MAP4: variants seen among roughly 807,000 people sequenced by gnomAD.
MAP4 encodes the protein microtubule-associated protein 4.
In MAP4, 76 loss-of-function variants were observed where a neutral mutation model predicts 170.2. That is an observed-to-expected ratio of 0.45 (90% CI 0.37 to 0.54). The LOEUF (loss-of-function observed/expected upper bound fraction) is 0.54, where lower values mean the gene tolerates loss of function less well. Among genes scored for constraint, MAP4 ranks in the 20% least tolerant of loss-of-function variants. The probability of loss-of-function intolerance (pLI) is 0.00; values close to 1 mark genes in which losing one functional copy is unlikely to be tolerated. For synonymous variants in MAP4, 909 were observed against 994.5 expected (o/e 0.91, Z 1.62); for missense variants, 2,506 against 2,748.0 (o/e 0.91, Z 1.97).
chr3:47,971,813 T>G (rs1374271398), intron 3 of MAP4, among the ~76,000 whole-genome samples: 1 of 152,208 alleles, frequency 6.6e-6, no homozygotes. Flanking sequence ...CCTGTGTCTT[T>G]GCCTAGAACA....
rs1224833883 is a variant in MAP4, at chr3:47,912,409, T to C, written c.2012A>G (p.Tyr671Cys). The C allele has an allele frequency of 1.1e-5, 16 of 1,472,688 alleles. No homozygotes were observed. The highest frequency in any genetic ancestry group is 1.4e-5 in the African/African-American group (1 of 70,248). 91.2% of individuals were successfully genotyped at this position (1,472,688 alleles called of 1,614,324 possible). The stretch of plus-strand genomic sequence containing the variant: ...GGCTTGTGTGGGAGGGGTACCGCAA[T>C]ACATGAAGTTGGCTAAAATTCCAAA... Reference protein sequence around the residue: ...LSSETSANFMYCGTPPTQAKQ... With the variant: ...LSSETSANFMCCGTPPTQAKQ... Residue 671 changes from tyrosine (Y) to cysteine (C), a missense_variant, in exon 9 of 21, where the codon TAT becomes TGT. This residue lies in a region of MAP4 where 2,008 missense variants were observed against 2,206.0 expected (regional missense o/e 0.91). Coordinates refer to ENST00000683076, the MANE Select transcript of MAP4 (RefSeq NM_001385682.1).
chr3:48,007,676 C>CTT (rs35776561), intron 1 of MAP4, among the ~76,000 whole-genome samples: 141 of 140,378 alleles, frequency 1.0e-3, no homozygotes, highest in African/African-American at 3.6e-3. Context: ...AACTACTCTC[C>CTT]TTTTTTTTTT....
Position 47,875,732 on chromosome 3 carries a change from C to T in MAP4, c.5710G>A (p.Ala1904Thr), listed in dbSNP as rs574174386. Residue 1904 changes from alanine to threonine, a missense_variant, in exon 12 of 21, where the codon GCC becomes ACC. Transcript: ENST00000683076. Reference sequence around the variant, plus strand: ...GGTAAGATGGAAGGCCTGGCAGAGGCGACGGCAGGGCGTTTGGGTGGGGCA... The same window carrying T: ...GGTAAGATGGAAGGCCTGGCAGAGGTGACGGCAGGGCGTTTGGGTGGGGCA... ...PAAPPKRPAV[A>T]SARPSILPSK... 1.1e-5 allele frequency: 17 copies of T among 1,613,606 alleles called. No homozygotes were observed. Among genetic ancestry groups the T allele is most frequent in the Admixed American group, 5.0e-5 (3 of 59,918 alleles).
chr3:47,996,305 G>A (rs946357712), intron 2 of MAP4, among the ~76,000 whole-genome samples: 5 of 152,058 alleles, frequency 3.3e-5, no homozygotes, highest in Non-Finnish European at 5.9e-5. Flanking sequence ...ATGAGAAGAC[G>A]CTACTACTGT....
At chr3:48,056,693 C>T (rs1325569167) in intron 1 of MAP4, among the ~76,000 whole-genome samples, 1,095 of 95,180 alleles carry the variant, frequency 0.012, no homozygotes, top group East Asian at 0.015. Flanking sequence ...CCCGGCCAGC[C>T]GCCCCGTCTG....
chr3:47,921,049 T>C (rs2100042577), intron 5 of MAP4, among the ~76,000 whole-genome samples: 2 of 151,958 alleles, frequency 1.3e-5, no homozygotes, highest in East Asian at 1.9e-4. Flanking sequence ...GCTCAGGAGA[T>C]TGAGGTGGGA....
At chr3:47,955,481 CTA>C (rs1444908913) in intron 3 of MAP4, among the ~76,000 whole-genome samples, 7 of 139,498 alleles carry the variant, frequency 5.0e-5, no homozygotes, top group Admixed American at 1.5e-4. Context: ...CACACACACA[CTA>C]GTCAACTATA....
At chr3:47,973,560 G>T (rs1482149517) in intron 3 of MAP4, 7 of 984,324 alleles carry the variant, frequency 7.1e-6, no homozygotes, top group Non-Finnish European at 1.2e-6. Context: ...GTTCAAAAAG[G>T]AAACATATTT....
At chr3:47,970,978 G>A (rs1418755264) in intron 3 of MAP4, among the ~76,000 whole-genome samples, 1 of 152,210 alleles carries the variant, frequency 6.6e-6, no homozygotes, top group Non-Finnish European at 1.5e-5. Context: ...TGTAGTCCAT[G>A]AGCTGGTTTC....
intron 3 of MAP4, among the ~76,000 whole-genome samples, chr3:47,976,203 T>C (rs1454644257): frequency 6.6e-6 from 1 of 152,210 alleles, no homozygotes; most frequent in Non-Finnish European, 1.5e-5. Flanking sequence ...CCTACTCTCA[T>C]AATGCCACTG....
intron 1 of MAP4, among the ~76,000 whole-genome samples, chr3:48,014,144 A>G (rs1446685481): frequency 1.3e-5 from 2 of 152,252 alleles, no homozygotes; most frequent in Non-Finnish European, 1.5e-5. Flanking sequence ...TACTTTGGAT[A>G]GTTCACAAAC....
chr3:48,082,797 C>CAAAAAAAAAAAAAAAAAAAAA (rs1294638726), intron 1 of MAP4, among the ~76,000 whole-genome samples: 1 of 49,012 alleles, frequency 2.0e-5, no homozygotes, highest in Non-Finnish European at 4.3e-5. Context: ...GACTTTGTCT[C>CAAAAAAAAAAAAAAAAAAAAA]AAAAAAAAAA....
At chr3:48,040,632 C>T (rs1014944646) in intron 1 of MAP4, among the ~76,000 whole-genome samples, 3 of 152,068 alleles carry the variant, frequency 2.0e-5, no homozygotes, top group East Asian at 1.9e-4. Context: ...GCCGCAACCT[C>T]GGCTCACTGC....
chr3:47,917,994 C>CTTATTTAT (rs769556140), intron 6 of MAP4, among the ~76,000 whole-genome samples: 7 of 152,064 alleles, frequency 4.6e-5, no homozygotes, highest in South Asian at 4.2e-4. Flanking sequence ...CCACGCTGAG[C>CTTATTTAT]TTATTTATTT....
intron 2 of MAP4, among the ~76,000 whole-genome samples, chr3:47,985,148 T>C (rs2154311164): frequency 6.8e-6 from 1 of 147,946 alleles, no homozygotes; most frequent in Admixed American, 6.7e-5. Flanking sequence ...GGCATGGTGG[T>C]GCATGCCTGT....
intron 10 of MAP4, among the ~76,000 whole-genome samples, chr3:47,885,526 T>G (rs1413551600): frequency 6.6e-6 from 1 of 152,206 alleles, no homozygotes; most frequent in African/African-American, 2.4e-5. Context: ...GACTATTTAG[T>G]TGTATTTACA....
At chr3:47,954,022 A>AAC in intron 3 of MAP4, among the ~76,000 whole-genome samples, 1 of 141,914 alleles carries the variant, frequency 7.0e-6, no homozygotes, top group African/African-American at 2.7e-5. Flanking sequence ...TCAAAAAAAC[A>AAC]AAAAAAAAAA....
intron 17 of MAP4, among the ~76,000 whole-genome samples, chr3:47,858,588 T>G (rs1392562707): frequency 1.5e-5 from 2 of 129,230 alleles, no homozygotes; most frequent in Admixed American, 7.8e-5. Flanking sequence ...GAGGGGGTGG[T>G]GTGTGTGTGT....
At chr3:48,035,130 T>C (rs1190474208) in intron 1 of MAP4, among the ~76,000 whole-genome samples, 1 of 141,748 alleles carries the variant, frequency 7.1e-6, no homozygotes, top group Non-Finnish European at 1.5e-5. Context: ...TTTTAACAAT[T>C]AAAAAGCAAA....
Sources: allele counts gnomAD v4.1 joint callset (sites outside exome capture counted in the v4.1 genomes callset), GRCh38; gene constraint gnomAD v4.1.1; regional missense constraint gnomAD v4.1.1; transcripts MANE v1.5; gene names NCBI Gene and HGNC (gene_info 2026-07-23, HGNC 2026-07-21).